The following ABHD17B variants were observed in gnomAD, a reference collection of about 807,000 sequenced individuals.
The protein encoded by ABHD17B is alpha/beta hydrolase domain-containing protein 17B.
A neutral mutation model predicts 26.2 loss-of-function variants in ABHD17B; 9 were observed. The ratio of observed to expected loss-of-function variants is 0.34; its 90% CI spans 0.21 to 0.60. The LOEUF (loss-of-function observed/expected upper bound fraction) is 0.60. ABHD17B is among the 20% of genes least tolerant of loss of function. The pLI is 0.80. For synonymous variants in ABHD17B, 127 were observed against 122.3 expected (o/e 1.04, Z -0.25); for missense variants, 224 against 352.1 (o/e 0.64, Z 2.91).
downstream of ABHD17B, chr9:71,862,631 A>C (rs765813270): frequency 1.0e-6 from 1 of 986,958 alleles, no homozygotes; most frequent in South Asian, 1.3e-5. Context: ...GGATTAGGCT[A>C]TATCATCTCT....
chr9:71,903,696 T>C (rs1827207090), intron 1 of ABHD17B, among the ~76,000 whole-genome samples: 1 of 152,252 alleles, frequency 6.6e-6, no homozygotes, highest in African/African-American at 2.4e-5. Context: ...CAAATGACTG[T>C]ATGTTAACAA....
chr9:71,909,838 G>A (rs1827394394), intron 1 of ABHD17B, among the ~76,000 whole-genome samples: 2 of 151,244 alleles, frequency 1.3e-5, no homozygotes, highest in African/African-American at 4.9e-5. Context: ...TTCTGGCATT[G>A]GCAGAGATCT....
Position 71,886,108 on chromosome 9 carries a change from G to A in ABHD17B, c.-3-11025C>T, listed in dbSNP as rs552271988. 5.7e-4 allele frequency among the ~76,000 whole-genome samples: 87 copies of A among 152,234 alleles called. No homozygotes were observed. In the Middle Eastern group the frequency reaches 0.014, roughly 24 times the overall value. On this transcript the variant is annotated intron_variant, in intron 1 of 3. Transcript: ENST00000333421. ...ATTCAAGATGAATTACTCCATTTAT[G>A]GATAACTCTGGGGATGCAATATCAT...
intron 3 of ABHD17B, among the ~76,000 whole-genome samples, chr9:71,868,617 G>A (rs1166816547): frequency 6.6e-6 from 1 of 152,200 alleles, no homozygotes; most frequent in Non-Finnish European, 1.5e-5. Context: ...TCTGTTGTCA[G>A]AAAGATGTTC....
chr9:71,862,679 A>C (rs111862751), downstream of ABHD17B: 257 of 702,464 alleles, frequency 3.7e-4, 1 homozygote, highest in African/African-American at 5.1e-3. Flanking sequence ...GCTTTCCATA[A>C]CTGTTTATGA....
At chr9:71,907,612 A>T (rs1458316825) in intron 1 of ABHD17B, among the ~76,000 whole-genome samples, 1 of 152,112 alleles carries the variant, frequency 6.6e-6, no homozygotes, top group Non-Finnish European at 1.5e-5. Flanking sequence ...CCTGGGTTCA[A>T]GCGATTCTCC....
At position 71,894,087 on chromosome 9, in the gene ABHD17B, C is replaced by CAAAAAAAAAAAAAAA. The variant is rs1180729763; in HGVS notation, c.-4+16532_-4+16546dup. On this transcript the variant is annotated intron_variant, in intron 1 of 3. Transcript: ENST00000333421. ...TGGGCGACAGAGCGAGACTCTATCT[C>CAAAAAAAAAAAAAAA]AAAAAAAAAAAAAAAAAAAAAAAAA... 1.3e-4 allele frequency among the ~76,000 whole-genome samples: 7 copies of CAAAAAAAAAAAAAAA among 52,324 alleles called. 1 individual carries two copies. The highest frequency in any genetic ancestry group is 6.0e-4 in the African/African-American group (7 of 11,630). 34.3% of individuals were successfully genotyped at this position (52,324 alleles called of 152,430 possible). A position where few individuals can be genotyped will look rare whatever the true frequency, so the allele number is the denominator to read the frequency against.
chr9:71,865,876 T>A lies in ABHD17B; in HGVS notation c.*911A>T, dbSNP rs558693025. 2.5e-5 allele frequency: 25 copies of A among 984,954 alleles called. No homozygotes were observed. In the East Asian group the frequency reaches 1.9e-3, roughly 76 times the overall value. The allele number at this position is 984,954 out of a possible 1,614,324, so 61.0% of individuals were successfully genotyped here. ...ACTCCATCTCAAAAAATGAAAAAAATAGCCAAAGTGAAAAGGGATCTGATA... is the reference window on the plus strand; with the variant it reads ...ACTCCATCTCAAAAAATGAAAAAAAAAGCCAAAGTGAAAAGGGATCTGATA... On this transcript the variant is annotated 3_prime_UTR_variant, in exon 4 of 4. Coordinates refer to ENST00000333421, the MANE Select transcript of ABHD17B (RefSeq NM_001025780.3).
At chr9:71,898,256 G>C (rs542127617) in intron 1 of ABHD17B, among the ~76,000 whole-genome samples, 1 of 151,998 alleles carries the variant, frequency 6.6e-6, no homozygotes, top group East Asian at 1.9e-4. Context: ...TTCCCAAAAC[G>C]GAGGGAAAAT....
intron 1 of ABHD17B, among the ~76,000 whole-genome samples, chr9:71,894,919 A>ATAAT (rs1826910500): frequency 6.6e-6 from 1 of 152,196 alleles, no homozygotes; most frequent in African/African-American, 2.4e-5. Flanking sequence ...TGTCCTTATT[A>ATAAT]GTTTTGAACC....
downstream of ABHD17B, chr9:71,862,589 CTTCTT>C (rs753538865): frequency 7.0e-7 from 1 of 1,422,524 alleles, no homozygotes; most frequent in Non-Finnish European, 9.9e-7. Flanking sequence ...AATCACTTCC[CTTCTT>C]TATGTTTCTG....
Position 71,909,503 on chromosome 9 carries a change from G to GA in ABHD17B, c.-4+1130dup, listed in dbSNP as rs756876627. Among the ~76,000 whole-genome samples the GA allele has an allele frequency of 9.6e-4, 146 of 152,240 alleles. 1 individual carries two copies. The highest frequency in any genetic ancestry group is 2.7e-3 in the African/African-American group (113 of 41,536). On this transcript the variant is annotated intron_variant, in intron 1 of 3. Transcript: ENST00000333421. ...AACATATGTAGAGAAACTCTTTACG[G>GA]AAAAAAGTTCATTTTAATGTAAATT...
intron 1 of ABHD17B, among the ~76,000 whole-genome samples, chr9:71,888,113 T>C (rs891926944): frequency 2.6e-5 from 4 of 152,234 alleles, no homozygotes; most frequent in African/African-American, 9.6e-5. Context: ...ACTTACAATC[T>C]TGATGATCCA....
chr9:71,873,143 T>A (rs1366355071), intron 2 of ABHD17B, among the ~76,000 whole-genome samples: 1 of 152,034 alleles, frequency 6.6e-6, no homozygotes, highest in African/African-American at 2.4e-5. Context: ...GTCTAAAACA[T>A]CCTGGAAGTC....
intron 1 of ABHD17B, among the ~76,000 whole-genome samples, chr9:71,897,576 G>A (rs149359517): frequency 1.4e-3 from 213 of 152,272 alleles, no homozygotes; most frequent in African/African-American, 4.9e-3. Flanking sequence ...TTTCCCAAAG[G>A]AAGTTATATT....
In ABHD17B at chr9:71,901,425, T is replaced by C. The variant is rs117072027; in HGVS notation, c.-4+9209A>G. Among the ~76,000 whole-genome samples the C allele has an allele frequency of 5.5e-3, 840 of 152,302 alleles. 4 individuals are homozygous for C. Among genetic ancestry groups the C allele is most frequent in the Admixed American group, 0.01 (157 of 15,306 alleles). On this transcript the variant is annotated intron_variant, in intron 1 of 3. Transcript: ENST00000333421. ...CTTCAATTTATACAGGATCACTTTA[T>C]AGCATTTAACATCGTTGTCCTTTCC...
At chr9:71,889,123 C>T (rs1524383) in intron 1 of ABHD17B, among the ~76,000 whole-genome samples, 146,893 of 151,746 alleles carry the variant, frequency 0.97, 71,282 homozygotes, top group East Asian at 1. Flanking sequence ...GAGACCAGCC[C>T]GGCCAATATA....
At chr9:71,875,194 C>G (rs568784892) in intron 1 of ABHD17B, 111 bp from the exon 2 acceptor site, 2 of 814,110 alleles carry the variant, frequency 2.5e-6, no homozygotes, top group Non-Finnish European at 3.8e-6. Context: ...ATGACTATTA[C>G]TATTTTAGGT....
intron 1 of ABHD17B, among the ~76,000 whole-genome samples, chr9:71,883,430 T>A (rs919932917): frequency 5.9e-5 from 9 of 152,192 alleles, no homozygotes; most frequent in African/African-American, 1.7e-4. Context: ...CACAGCTGGT[T>A]TCTCAAAGCA....
Sources: gnomAD v4.1 joint callset for allele counts (sites outside exome capture counted in the v4.1 genomes callset) on GRCh38, gnomAD v4.1.1 for gene constraint, MANE v1.5 for transcripts, NCBI Gene and HGNC (gene_info 2026-07-23, HGNC 2026-07-21) for gene names.